Variants in GRIK5 observed in about 807,000 individuals in gnomAD.
GRIK5 encodes the protein glutamate ionotropic receptor kainate type subunit 5, also known as glutamate receptor ionotropic, kainate 5.
Under a neutral mutation model 97.4 loss-of-function variants are expected in GRIK5, and 43 were observed. That is an observed-to-expected ratio of 0.44 (90% CI 0.35 to 0.57). The LOEUF (loss-of-function observed/expected upper bound fraction) is 0.57. GRIK5 is among the 20% of genes least tolerant of loss of function. The probability of loss-of-function intolerance (pLI) is 0.01; values close to 1 mark genes in which losing one functional copy is unlikely to be tolerated. For missense variants in GRIK5, 1,015 were observed against 1,382.0 expected (o/e 0.73, Z 4.21); for synonymous variants, 580 against 583.5 (o/e 0.99, Z 0.09).
At chr19:42,017,501 A>G (rs1407332316) in intron 15 of GRIK5, among the ~76,000 whole-genome samples, 1 of 152,186 alleles carries the variant, frequency 6.6e-6, no homozygotes. Flanking sequence ...TTATAAAAAG[A>G]GGGTGTTGGG....
At chr19:42,043,465 G>A (rs879463713) in intron 11 of GRIK5, among the ~76,000 whole-genome samples, 10 of 149,178 alleles carry the variant, frequency 6.7e-5, no homozygotes, top group Non-Finnish European at 1.5e-4. Context: ...GAGTGCAGTG[G>A]CGCGATCTCA....
At chr19:42,005,196 C>G (rs2075471059) in intron 17 of GRIK5, among the ~76,000 whole-genome samples, 1 of 125,524 alleles carries the variant, frequency 8.0e-6, no homozygotes, top group Non-Finnish European at 1.6e-5. Context: ...AATCCCAACA[C>G]TTTGGGAGGC....
At position 42,054,427 on chromosome 19, in the gene GRIK5, C is replaced by T. The variant is rs1426926725; in HGVS notation, c.949G>A (p.Ala317Thr). The T allele has an allele frequency of 3.1e-6, 5 of 1,613,434 alleles. No individual in the cohort carries two copies. The highest frequency in any genetic ancestry group is 2.2e-5 in the East Asian group (1 of 44,896). The change falls in exon 9 of 20, where the codon GCT (alanine) becomes ACT (threonine). Residue 317 changes from alanine to threonine, a missense_variant. Physicochemically the swap from Ala to Thr is moderately conservative, Grantham distance 58 (BLOSUM62 0). Transcript: ENST00000593562. ...TGGCTGCGGTTCAGCTCTCGGACAG[C>T]GCTCACCACCACGTGCACGGCGTCA... ...MFDAVHVVVS[A>T]VRELNRSQEI...
At position 42,065,443 on chromosome 19, in the gene GRIK5, C is replaced by T; in HGVS notation, c.80-56G>A. 1.3e-6 allele frequency: 2 copies of T among 1,516,840 alleles called. No homozygotes were observed. The highest frequency in any genetic ancestry group is 1.8e-6 in the Non-Finnish European group (2 of 1,126,018). The allele number at this position is 1,516,840 out of a possible 1,614,324, so 94.0% of individuals were successfully genotyped here. ...TCCTGAGTCCTGAGGAAGGAGGGGG[C>T]TGTGGTCTTAGACTCCAGGGCTCTA... On this transcript the variant is annotated intron_variant, in intron 2 of 19. Coordinates refer to ENST00000593562, the MANE Select transcript of GRIK5 (RefSeq NM_002088.5). The surrounding 1 kb of genome is among the most constrained non-coding windows in gnomAD (Gnocchi z 5.8).
intron 1 of GRIK5, 174 bp downstream of exon 1, chr19:42,069,067 G>C: frequency 1.3e-4 from 60 of 447,534 alleles, no homozygotes; most frequent in Middle Eastern, 5.8e-4. Context: ...GTGAGAAGAG[G>C]TCGAGGTGAA....
intron 19 of GRIK5, among the ~76,000 whole-genome samples, chr19:42,001,044 A>T (rs1555870786): frequency 1.3e-5 from 2 of 151,570 alleles, no homozygotes; most frequent in African/African-American, 4.9e-5. Context: ...CTATACCCCC[A>T]ACCTCCCCCT....
intron 15 of GRIK5, among the ~76,000 whole-genome samples, chr19:42,012,254 G>GTATGTATT (rs1568886591): frequency 6.6e-6 from 1 of 151,190 alleles, no homozygotes; most frequent in Non-Finnish European, 1.5e-5. Flanking sequence ...ATGTATGTAT[G>GTATGTATT]TATTTATTTA....
At chr19:42,048,874 TA>T (rs922067945) in intron 11 of GRIK5, among the ~76,000 whole-genome samples, 2 of 151,246 alleles carry the variant, frequency 1.3e-5, no homozygotes, top group Non-Finnish European at 3.0e-5. Flanking sequence ...CCCTGTCAAT[TA>T]AAAAAAATTG....
rs201120893 is a variant in GRIK5, at chr19:42,053,644, C to T, written c.1227G>A (p.Ser409=). The T allele has an allele frequency of 1.9e-5, 31 of 1,613,490 alleles. No individual in the cohort carries two copies. The highest frequency in any genetic ancestry group is 1.0e-4 in the Admixed American group (6 of 60,026). ...MNATTLDINL[S]QTLANKTLVV... Reference sequence around the variant, plus strand: ...CCAGGGTCTTGTTGGCCAGTGTCTGCGACAGGTTGATGTCCAGGGTGGTGG... The same window carrying T: ...CCAGGGTCTTGTTGGCCAGTGTCTGTGACAGGTTGATGTCCAGGGTGGTGG... Residue 409 remains serine, a synonymous_variant, in exon 11 of 20, where the codon TCG becomes TCA. Coordinates refer to ENST00000593562, the MANE Select transcript of GRIK5 (RefSeq NM_002088.5).
chr19:42,038,957 G>A (rs1350661496), intron 12 of GRIK5, among the ~76,000 whole-genome samples: 1 of 152,054 alleles, frequency 6.6e-6, no homozygotes, highest in East Asian at 1.9e-4. Flanking sequence ...TCACCCAGAT[G>A]CCCAAGCCAG....
chr19:42,024,177 T>A (rs1294476060), intron 12 of GRIK5, among the ~76,000 whole-genome samples: 2 of 145,730 alleles, frequency 1.4e-5, no homozygotes, highest in Non-Finnish European at 3.0e-5. Flanking sequence ...CCCACCTCAC[T>A]CCCACTCTAG....
chr19:42,002,670 A>G lies in GRIK5; in HGVS notation c.2514+662T>C. On this transcript the variant is annotated intron_variant, in intron 19 of 19. Transcript: ENST00000593562. The surrounding 1 kb of genome is among the most constrained non-coding windows in gnomAD (Gnocchi z 5.2). Reference sequence around the variant, plus strand: ...GGTGCAAGAGCACGAATGGGTCTGGAAATGCAGGGGTGTGGCTGGGCGGCC... The same window carrying G: ...GGTGCAAGAGCACGAATGGGTCTGGGAATGCAGGGGTGTGGCTGGGCGGCC... 1 of 613,426 alleles carries G rather than the reference A, an allele frequency of 1.6e-6. No individual in the cohort carries two copies. The highest frequency in any genetic ancestry group is 2.9e-6 in the Non-Finnish European group (1 of 343,442). The allele number at this position is 613,426 out of a possible 1,614,324, so 38.0% of individuals were successfully genotyped here.
intron 12 of GRIK5, among the ~76,000 whole-genome samples, chr19:42,039,322 A>T (rs1026357912): frequency 2.4e-4 from 36 of 152,030 alleles, no homozygotes; most frequent in Admixed American, 6.5e-5. Flanking sequence ...AAAATACAAA[A>T]ATTAGCCAGG....
chr19:42,008,197 T>C (rs2075516904), intron 15 of GRIK5, among the ~76,000 whole-genome samples: 1 of 152,142 alleles, frequency 6.6e-6, no homozygotes, highest in African/African-American at 2.4e-5. Flanking sequence ...TTTGTATTTT[T>C]AGTAGAGATG....
Position 42,022,371 on chromosome 19 carries a change from C to A in GRIK5, c.1474-17G>T. ...GTCTGCCTTCTGCTGGAGGGGAAGC[C>A]GGGCAGGGGTGGAGGGGGACAGAGG... On this transcript the variant is annotated splice_polypyrimidine_tract_variant and intron_variant, in intron 12 of 19. Coordinates refer to ENST00000593562, the MANE Select transcript of GRIK5 (RefSeq NM_002088.5). This position sits in a 1 kb window ranked among gnomAD's most constrained non-coding sequence, Gnocchi z 4.2. 6.3e-7 allele frequency: 1 copy of A among 1,599,910 alleles called. No individual in the cohort carries two copies.
chr19:42,061,438 C>A (rs914324380), intron 5 of GRIK5, among the ~76,000 whole-genome samples: 4 of 152,166 alleles, frequency 2.6e-5, no homozygotes, highest in Non-Finnish European at 5.9e-5. Context: ...CTTGGCCTCC[C>A]AAAGTGCTGG....
intron 15 of GRIK5, among the ~76,000 whole-genome samples, chr19:42,017,284 C>G (rs80070213): frequency 1.3e-5 from 2 of 152,248 alleles, no homozygotes; most frequent in East Asian, 3.8e-4. Context: ...CAGGCGCCGA[C>G]TGTCGCATTC....
In GRIK5 at chr19:41,999,180, G is replaced by C; in HGVS notation, c.2634C>G (p.Arg878=). 3 of 1,510,056 alleles carry C rather than the reference G, an allele frequency of 2.0e-6. No homozygotes were observed. The highest frequency in any genetic ancestry group is 2.6e-6 in the Non-Finnish European group (3 of 1,137,206). 93.5% of individuals were successfully genotyped at this position (1,510,056 alleles called of 1,614,324 possible). A position where few individuals can be genotyped will look rare whatever the true frequency, so the allele number is the denominator to read the frequency against. Residue 878 remains arginine, a synonymous_variant, in exon 20 of 20, where the codon CGC becomes CGG. Transcript: ENST00000593562. The surrounding 1 kb of genome is among the most constrained non-coding windows in gnomAD (Gnocchi z 5.0). ...TGCTGAGGCGCATCTCGCGGACCGC[G>C]CGCAGTGACAGCAGGGCCCGGCTCG... ...GGPSRALLSL[R]AVREMRLSNG...
At chr19:42,032,288 G>A (rs2075849152) in intron 12 of GRIK5, among the ~76,000 whole-genome samples, 1 of 152,116 alleles carries the variant, frequency 6.6e-6, no homozygotes, top group Non-Finnish European at 1.5e-5. Flanking sequence ...TATTATATTT[G>A]GCCTTTGAGA....
Sources: allele counts gnomAD v4.1 joint callset (sites outside exome capture counted in the v4.1 genomes callset), GRCh38; gene constraint gnomAD v4.1.1; non-coding constraint Gnocchi (gnomAD v3.1); transcripts MANE v1.5; gene names NCBI Gene and HGNC (gene_info 2026-07-23, HGNC 2026-07-21).